FGF10: variants seen among roughly 807,000 people sequenced by gnomAD.
FGF10 encodes FGF-10.
A neutral mutation model predicts 19.8 loss-of-function variants in FGF10; 2 were observed. The observed-to-expected ratio is 0.10, with a 90% CI of 0.04 to 0.32. The LOEUF is 0.32. Among genes scored for constraint, FGF10 ranks in the 10% least tolerant of loss-of-function variants. The pLI is 1.00. For missense variants in FGF10, 191 were observed against 246.3 expected, an observed-to-expected ratio of 0.78 and a Z score of 1.50; for synonymous variants, 112 against 94.0, an observed-to-expected ratio of 1.19 and a Z score of -1.10.
chr5:44,359,535 C>A (rs1292594344), intron 1 of FGF10, among the ~76,000 whole-genome samples: 1 of 151,364 alleles, frequency 6.6e-6, no homozygotes, highest in African/African-American at 2.4e-5. Context: ...GTACAGTGGA[C>A]TTTTCAGTCT....
chr5:44,385,714 A>G (rs1467713330), intron 1 of FGF10, among the ~76,000 whole-genome samples: 1 of 152,208 alleles, frequency 6.6e-6, no homozygotes, highest in East Asian at 1.9e-4. Context: ...TTTGGTGGAC[A>G]GCTGGCTGGC....
intron 1 of FGF10, among the ~76,000 whole-genome samples, chr5:44,384,511 T>C (rs1229922234): frequency 5.3e-5 from 8 of 152,104 alleles, no homozygotes; most frequent in Admixed American, 5.2e-4. Context: ...ATTTGGATAA[T>C]TTGTTTTTTA....
intron 2 of FGF10, among the ~76,000 whole-genome samples, chr5:44,307,267 G>A (rs1181847188): frequency 6.6e-6 from 1 of 152,108 alleles, no homozygotes; most frequent in South Asian, 2.1e-4. Flanking sequence ...TTGTTGACAG[G>A]ATCTAAGCAA....
chr5:44,354,894 C>A (rs895740688), intron 1 of FGF10, among the ~76,000 whole-genome samples: 1 of 151,514 alleles, frequency 6.6e-6, no homozygotes, highest in Non-Finnish European at 1.5e-5. Flanking sequence ...CTCCCAGATG[C>A]AGCTTCGATC....
intron 1 of FGF10, among the ~76,000 whole-genome samples, chr5:44,367,290 A>G (rs1188348236): frequency 1.3e-5 from 2 of 152,042 alleles, no homozygotes; most frequent in Non-Finnish European, 2.9e-5. Context: ...ACTGCAGGTA[A>G]ACATTTGTAG....
Position 44,302,609 on chromosome 5 carries a change from C to T in FGF10, c.*2386G>A, listed in dbSNP as rs2111657263. Among the ~76,000 whole-genome samples the T allele has an allele frequency of 6.6e-6, 1 of 152,250 alleles. No individual in the cohort carries two copies. Among genetic ancestry groups the T allele is most frequent in the East Asian group, 1.9e-4 (1 of 5,170 alleles). ...TCTAGAACTCCTGGACTCAAGCCAT[C>T]TTCCCACAGTCTCCCAAACTGCTGG... On this transcript the variant is annotated 3_prime_UTR_variant, in exon 3 of 3. Transcript: ENST00000264664.
rs183672880 is a variant in FGF10, at chr5:44,373,680, A to C, written c.325+14678T>G. On this transcript the variant is annotated intron_variant, in intron 1 of 2. Coordinates refer to ENST00000264664, the MANE Select transcript of FGF10 (RefSeq NM_004465.2). ...CAAAAAAAGCACTGTTAATATTAAT[A>C]TGTCCACCAGCTTTCTGTTTATGAT... is the stretch of plus-strand genomic sequence containing the variant. Among the ~76,000 whole-genome samples, 13 of 152,266 alleles carry C rather than the reference A, an allele frequency of 8.5e-5. No individual in the cohort carries two copies. In the East Asian group the frequency reaches 1.4e-3, roughly 16 times the overall value.
chr5:44,363,241 C>T (rs235164), intron 1 of FGF10, among the ~76,000 whole-genome samples: 149,171 of 151,920 alleles, frequency 0.98, 73,305 homozygotes, highest in East Asian at 1. Context: ...TAAAACATAA[C>T]TGCTCTTTAA....
chr5:44,353,911 G>T (rs1741289087), intron 1 of FGF10, among the ~76,000 whole-genome samples: 1 of 151,274 alleles, frequency 6.6e-6, no homozygotes, highest in Non-Finnish European at 1.5e-5. Context: ...AAATAAATTT[G>T]CAAAAAGTGC....
chr5:44,365,068 T>G (rs1334004119), intron 1 of FGF10, among the ~76,000 whole-genome samples: 1 of 151,926 alleles, frequency 6.6e-6, no homozygotes, highest in Non-Finnish European at 1.5e-5. Flanking sequence ...TTATAGTTAT[T>G]ACTGTAAAAT....
At chr5:44,336,259 T>G (rs1740848253) in intron 1 of FGF10, among the ~76,000 whole-genome samples, 1 of 152,092 alleles carries the variant, frequency 6.6e-6, no homozygotes, top group East Asian at 1.9e-4. Context: ...ATATATAATT[T>G]TTGTCTGAAA....
At chr5:44,322,864 T>C (rs1340965166) in intron 1 of FGF10, among the ~76,000 whole-genome samples, 5 of 151,778 alleles carry the variant, frequency 3.3e-5, no homozygotes, top group African/African-American at 1.2e-4. Context: ...TACAATGTAA[T>C]AATAATAATA....
intron 1 of FGF10, among the ~76,000 whole-genome samples, chr5:44,386,413 G>T (rs991942333): frequency 3.3e-5 from 5 of 152,044 alleles, no homozygotes; most frequent in African/African-American, 1.2e-4. Flanking sequence ...TGAAAAATAA[G>T]AAATGAGTCC....
At chr5:44,383,221 G>A (rs1742022204) in intron 1 of FGF10, among the ~76,000 whole-genome samples, 1 of 152,008 alleles carries the variant, frequency 6.6e-6, no homozygotes, top group Non-Finnish European at 1.5e-5. Flanking sequence ...GGACATTAAA[G>A]TAATTGTATA....
intron 1 of FGF10, among the ~76,000 whole-genome samples, chr5:44,381,346 C>T (rs1242047501): frequency 1.3e-5 from 2 of 152,142 alleles, no homozygotes; most frequent in East Asian, 1.9e-4. Flanking sequence ...GCTTTAGATG[C>T]TACGCATCTG....
intron 1 of FGF10, among the ~76,000 whole-genome samples, chr5:44,387,374 A>G (rs1033673712): frequency 2.6e-5 from 4 of 152,216 alleles, no homozygotes. Context: ...AGGCAAGACC[A>G]AAATGTAGGG....
Position 44,300,346 on chromosome 5 carries a change from ACT to A in FGF10, c.*4647_*4648del, listed in dbSNP as rs1035013980. On this transcript the variant is annotated 3_prime_UTR_variant, in exon 3 of 3. Transcript: ENST00000264664. Reference sequence around the variant, plus strand: ...GATACACTTGAAAATACTAGCACATACTCTTGGGATAAACTGAAAGAAACATT... The same window carrying A: ...GATACACTTGAAAATACTAGCACATACTTGGGATAAACTGAAAGAAACATT... Among the ~76,000 whole-genome samples, 1 of 151,944 alleles carries A rather than the reference ACT, an allele frequency of 6.6e-6. No individual in the cohort carries two copies. The highest frequency in any genetic ancestry group is 2.4e-5 in the African/African-American group (1 of 41,362).
At chr5:44,368,803 C>T (rs1002632712) in intron 1 of FGF10, among the ~76,000 whole-genome samples, 1 of 151,970 alleles carries the variant, frequency 6.6e-6, no homozygotes, top group African/African-American at 2.4e-5. Context: ...GTAGCTAGGA[C>T]TACCAGCAAG....
chr5:44,304,802 T>C lies in FGF10; in HGVS notation c.*193A>G, dbSNP rs1027179239. The C allele has an allele frequency of 8.3e-6, 5 of 600,566 alleles. No homozygotes were observed. In the East Asian group the frequency reaches 1.4e-4, roughly 17 times the overall value. The allele number at this position is 600,566 out of a possible 1,614,324, so 37.2% of individuals were successfully genotyped here. The stretch of plus-strand genomic sequence containing the variant: ...CTGCCTATATCTTGATTATAAGACA[T>C]GACACAGAACTAATTAAAAGAACAT... On this transcript the variant is annotated 3_prime_UTR_variant, in exon 3 of 3. Coordinates refer to ENST00000264664, the MANE Select transcript of FGF10 (RefSeq NM_004465.2).
Sources: gnomAD v4.1 joint callset for allele counts (sites outside exome capture counted in the v4.1 genomes callset) on GRCh38, gnomAD v4.1.1 for gene constraint, MANE v1.5 for transcripts, NCBI Gene and HGNC (gene_info 2026-07-23, HGNC 2026-07-21) for gene names.